The following SORCS3 variants were observed in gnomAD, a reference collection of about 807,000 sequenced individuals.
SORCS3 encodes the protein VPS10 domain-containing receptor SorCS3.
Under a neutral mutation model 146.3 loss-of-function variants are expected in SORCS3, and 57 were observed. The ratio of observed to expected loss-of-function variants is 0.39; its 90% confidence interval spans 0.31 to 0.49. SORCS3 has a LOEUF of 0.49. SORCS3 is among the 20% of genes least tolerant of loss of function. The pLI, the probability that SORCS3 is intolerant of heterozygous loss-of-function variation, is 0.92. For missense variants in SORCS3, 1,341 were observed against 1,575.5 expected, an observed-to-expected ratio of 0.85 and a Z score of 2.52; for synonymous variants, 653 against 618.5, an observed-to-expected ratio of 1.06 and a Z score of -0.83.
intron 5 of SORCS3, among the ~76,000 whole-genome samples, chr10:105,059,748 C>G (rs533711711): frequency 6.6e-6 from 1 of 152,176 alleles, no homozygotes; most frequent in African/African-American, 2.4e-5. Flanking sequence ...GTGACACAAG[C>G]GGAAGCTCTG....
At chr10:104,716,511 A>C (rs1317449284) in intron 1 of SORCS3, among the ~76,000 whole-genome samples, 2 of 150,954 alleles carry the variant, frequency 1.3e-5, no homozygotes, top group African/African-American at 4.9e-5. Context: ...CCAAGATGCC[A>C]TGGGGGTCGG....
chr10:105,225,275 C>T (rs1313676845), intron 20 of SORCS3, among the ~76,000 whole-genome samples: 3 of 151,996 alleles, frequency 2.0e-5, no homozygotes, highest in Non-Finnish European at 4.4e-5. Context: ...AAGGTTTATA[C>T]CTAGATTCAT....
intron 20 of SORCS3, among the ~76,000 whole-genome samples, chr10:105,227,672 C>A (rs1456434602): frequency 6.6e-6 from 1 of 152,012 alleles, no homozygotes; most frequent in Non-Finnish European, 1.5e-5. Flanking sequence ...GTGTTGGATT[C>A]CATCTCTCCC....
chr10:105,124,487 C>T (rs1160983206), intron 7 of SORCS3, among the ~76,000 whole-genome samples: 1 of 152,084 alleles, frequency 6.6e-6, no homozygotes, highest in Non-Finnish European at 1.5e-5. Flanking sequence ...AGCCTGACTC[C>T]CTTTCTCTCT....
At chr10:104,863,346 T>TACTG (rs1208757734) in intron 2 of SORCS3, among the ~76,000 whole-genome samples, 1 of 152,202 alleles carries the variant, frequency 6.6e-6, no homozygotes, top group Non-Finnish European at 1.5e-5. Flanking sequence ...TCCCTGCCTT[T>TACTG]ACTGATGCCA....
At chr10:104,655,098 C>A (rs576969659) in intron 1 of SORCS3, among the ~76,000 whole-genome samples, 11 of 152,020 alleles carry the variant, frequency 7.2e-5, no homozygotes, top group Admixed American at 4.6e-4. Flanking sequence ...AGTAAAAATT[C>A]AAAAATTAGC....
At chr10:104,936,250 G>A (rs2019258891) in intron 3 of SORCS3, among the ~76,000 whole-genome samples, 2 of 152,026 alleles carry the variant, frequency 1.3e-5, no homozygotes, top group Admixed American at 6.6e-5. Context: ...TTATAGAACT[G>A]TATATCTGAA....
intron 1 of SORCS3, among the ~76,000 whole-genome samples, chr10:104,756,759 G>C (rs1374330542): frequency 6.6e-6 from 1 of 152,324 alleles, no homozygotes; most frequent in Admixed American, 6.5e-5. Flanking sequence ...TTTCAAGACA[G>C]CTCCCTTGTG....
intron 3 of SORCS3, among the ~76,000 whole-genome samples, chr10:104,928,339 C>G (rs568125290): frequency 9.2e-5 from 14 of 152,286 alleles, no homozygotes; most frequent in African/African-American, 3.4e-4. Flanking sequence ...ACTGCCCTCA[C>G]TAGACCTTCT....
chr10:105,244,806 C>T lies in SORCS3; in HGVS notation c.2869-736C>T, dbSNP rs184879735. Among the ~76,000 whole-genome samples, 276 of 152,158 alleles carry T rather than the reference C, an allele frequency of 1.8e-3. 1 individual carries two copies. In the Middle Eastern group the frequency reaches 0.02, roughly 11 times the overall value. ...ATGTGCGGCCGGGCGCAGTGGTTCA[C>T]GCCTGTAATCCTAGCACTTTGGGAG... is the stretch of plus-strand genomic sequence containing the variant. On this transcript the variant is annotated intron_variant, in intron 20 of 26. Coordinates refer to ENST00000369701, the MANE Select transcript of SORCS3 (RefSeq NM_014978.3).
chr10:104,775,662 G>A (rs2017300125), intron 1 of SORCS3, among the ~76,000 whole-genome samples: 1 of 152,220 alleles, frequency 6.6e-6, no homozygotes, highest in Non-Finnish European at 1.5e-5. Flanking sequence ...ACGGATTTGA[G>A]TTTGGGGATG....
intron 4 of SORCS3, among the ~76,000 whole-genome samples, chr10:105,039,899 G>T (rs1279688104): frequency 6.6e-6 from 1 of 152,172 alleles, no homozygotes; most frequent in Non-Finnish European, 1.5e-5. Context: ...AACAGTGTCA[G>T]TGTGACCCTC....
At chr10:105,258,890 T>C in intron 25 of SORCS3, among the ~76,000 whole-genome samples, 1 of 152,194 alleles carries the variant, frequency 6.6e-6, no homozygotes, top group Non-Finnish European at 1.5e-5. Flanking sequence ...CAGTAACTAG[T>C]CATCAGTTAA....
intron 2 of SORCS3, among the ~76,000 whole-genome samples, chr10:104,869,916 C>A (rs1031851340): frequency 5.3e-5 from 8 of 152,174 alleles, no homozygotes; most frequent in African/African-American, 1.9e-4. Flanking sequence ...AAGTAATTTT[C>A]CATCATTGTA....
chr10:105,242,218 A>C (rs1336982898), intron 20 of SORCS3, among the ~76,000 whole-genome samples: 2 of 145,664 alleles, frequency 1.4e-5, no homozygotes, highest in Non-Finnish European at 3.0e-5. Context: ...CTGCATCTTC[A>C]ATATTACTTG....
At chr10:104,668,603 G>A (rs1055384659) in intron 1 of SORCS3, among the ~76,000 whole-genome samples, 1 of 152,168 alleles carries the variant, frequency 6.6e-6, no homozygotes, top group African/African-American at 2.4e-5. Context: ...TTACCATGAT[G>A]TCTGTCTCAT....
chr10:105,163,878 GCACATA>G (rs1336936828), intron 11 of SORCS3, among the ~76,000 whole-genome samples: 152 of 112,484 alleles, frequency 1.4e-3, no homozygotes, highest in African/African-American at 5.1e-3. Flanking sequence ...ACACAGTTAC[GCACATA>G]CACACACACA....
chr10:104,944,193 TCTTA>T (rs2019347144), intron 3 of SORCS3, among the ~76,000 whole-genome samples: 1 of 152,200 alleles, frequency 6.6e-6, no homozygotes, highest in Non-Finnish European at 1.5e-5. Context: ...TCTTGACTCC[TCTTA>T]CTTCGACAAA....
rs542096720 is a variant in SORCS3 at position 104,733,031 on chromosome 10, A to T, written c.627+91077A>T. 6.6e-5 allele frequency among the ~76,000 whole-genome samples: 10 copies of T among 152,340 alleles called. No individual in the cohort carries two copies. In the South Asian group the frequency reaches 2.1e-3, roughly 32 times the overall value. On this transcript the variant is annotated intron_variant, in intron 1 of 26. Coordinates refer to ENST00000369701, the MANE Select transcript of SORCS3 (RefSeq NM_014978.3). ...CAATCAGCTTACAGTACATAAGCTG[A>T]TAAATCAGTGATAGATTTGATTTCC...
Sources: gnomAD v4.1 joint callset for allele counts (sites outside exome capture counted in the v4.1 genomes callset) on GRCh38, gnomAD v4.1.1 for gene constraint, MANE v1.5 for transcripts, NCBI Gene and HGNC (gene_info 2026-07-23, HGNC 2026-07-21) for gene names.